SNX29: variants seen among roughly 807,000 people sequenced by gnomAD.
The protein encoded by SNX29 is sorting nexin 29.
Under a neutral mutation model 102.1 loss-of-function variants are expected in SNX29, and 78 were observed. The observed-to-expected ratio is 0.76, with a 90% confidence interval of 0.64 to 0.92. The LOEUF (loss-of-function observed/expected upper bound fraction) is 0.92, where lower values mean the gene tolerates loss of function less well. Ranked by LOEUF, SNX29 falls within the 40% of genes least tolerant of loss-of-function variation. SNX29 has a pLI of 0.00. For synonymous variants in SNX29, 580 were observed against 414.5 expected (o/e 1.40, Z -4.85); for missense variants, 1,280 against 1,061.7 (o/e 1.21, Z -2.86).
chr16:12,230,284 C>T (rs540823160), intron 14 of SNX29, among the ~76,000 whole-genome samples: 5 of 152,324 alleles, frequency 3.3e-5, no homozygotes, highest in Non-Finnish European at 7.4e-5. Context: ...TGTCTGACTT[C>T]CCGTTTGGGC....
intron 11 of SNX29, chr16:12,081,665 T>A (rs1338383520): frequency 9.2e-6 from 1 of 108,444 alleles, no homozygotes; most frequent in Non-Finnish European, 1.7e-5. Context: ...AGAGCGAGAC[T>A]CTTTGTCTCA....
At chr16:12,274,004 T>C (rs1174961431) in intron 14 of SNX29, among the ~76,000 whole-genome samples, 3 of 152,198 alleles carry the variant, frequency 2.0e-5, no homozygotes, top group Non-Finnish European at 4.4e-5. Flanking sequence ...TTGGGTTGTT[T>C]ATGCTTTTTT....
chr16:12,559,098 G>C lies in SNX29; in HGVS notation c.2319-9408G>C, dbSNP rs547260778. 1.7e-4 allele frequency among the ~76,000 whole-genome samples: 26 copies of C among 152,206 alleles called. 1 individual carries two copies. Among genetic ancestry groups the C allele is most frequent in the Middle Eastern group, 3.4e-3 (1 of 294 alleles). On this transcript the variant is annotated intron_variant, in intron 20 of 20. Transcript: ENST00000566228. ...TGTGTCCCCGTGCTCCTTAGTCTAGGATGAGTAGTAGTCAAATCAGGCTTG... is the reference window on the plus strand; with the variant it reads ...TGTGTCCCCGTGCTCCTTAGTCTAGCATGAGTAGTAGTCAAATCAGGCTTG...
chr16:12,368,070 G>T (rs924429429), intron 16 of SNX29, among the ~76,000 whole-genome samples: 2 of 152,190 alleles, frequency 1.3e-5, no homozygotes, highest in Non-Finnish European at 2.9e-5. Flanking sequence ...TTGCACCTGG[G>T]GGGAGTTGGA....
At chr16:12,210,131 C>T (rs1344438253) in intron 14 of SNX29, among the ~76,000 whole-genome samples, 3 of 152,278 alleles carry the variant, frequency 2.0e-5, no homozygotes, top group South Asian at 4.1e-4. Context: ...GCCTGTCATC[C>T]CACTACGTCG....
chr16:12,113,405 A>T (rs939675636), intron 11 of SNX29, among the ~76,000 whole-genome samples: 1 of 151,942 alleles, frequency 6.6e-6, no homozygotes, highest in Non-Finnish European at 1.5e-5. Context: ...CTGTCTAAGG[A>T]TGTTCTGGTT....
intron 4 of SNX29, among the ~76,000 whole-genome samples, chr16:12,041,359 G>T (rs534044780): frequency 1.3e-5 from 2 of 152,170 alleles, no homozygotes; most frequent in Non-Finnish European, 1.5e-5. Flanking sequence ...TGATCCGCTC[G>T]CATCGGCCTC....
At chr16:12,564,131 A>G (rs763649342) in intron 20 of SNX29, among the ~76,000 whole-genome samples, 6 of 152,162 alleles carry the variant, frequency 3.9e-5, no homozygotes, top group African/African-American at 7.2e-5. Flanking sequence ...GATCGTGCCT[A>G]TAATCCCAGC....
chr16:12,357,730 T>C (rs2082179982), intron 16 of SNX29, among the ~76,000 whole-genome samples: 1 of 152,200 alleles, frequency 6.6e-6, no homozygotes, highest in African/African-American at 2.4e-5. Flanking sequence ...GCGACCATTC[T>C]ACTTTGTTCC....
intron 15 of SNX29, among the ~76,000 whole-genome samples, chr16:12,308,701 A>G (rs1426681381): frequency 6.6e-6 from 1 of 152,316 alleles, no homozygotes; most frequent in Non-Finnish European, 1.5e-5. Flanking sequence ...ACTGCTATTT[A>G]CACATAAATG....
chr16:12,557,742 C>T (rs1373809030), intron 20 of SNX29: 2 of 152,208 alleles, frequency 1.3e-5, no homozygotes, highest in African/African-American at 2.4e-5. Flanking sequence ...TAGTGCACTG[C>T]ATTGTGATGT....
chr16:12,054,116 C>T (rs1211034887), intron 8 of SNX29, among the ~76,000 whole-genome samples: 8 of 152,082 alleles, frequency 5.3e-5, no homozygotes, highest in African/African-American at 1.7e-4. Flanking sequence ...TGCAAGCGTC[C>T]GCCACCACGC....
intron 13 of SNX29, among the ~76,000 whole-genome samples, chr16:12,196,632 T>TG (rs1029824896): frequency 3.3e-5 from 5 of 149,610 alleles, no homozygotes; most frequent in Admixed American, 6.6e-5. Flanking sequence ...CTTTTTTTTT[T>TG]TTTTTTGGAG....
chr16:12,261,838 G>C (rs1200058275), intron 14 of SNX29, among the ~76,000 whole-genome samples: 3 of 137,816 alleles, frequency 2.2e-5, no homozygotes, highest in Non-Finnish European at 4.6e-5. Context: ...TTTGCTCTGA[G>C]CTCCGGTCTG....
intron 3 of SNX29, among the ~76,000 whole-genome samples, chr16:12,010,890 G>A (rs1366553613): frequency 6.6e-6 from 1 of 152,004 alleles, no homozygotes; most frequent in Non-Finnish European, 1.5e-5. Flanking sequence ...ATCCCCCAGA[G>A]GACTTACGAA....
intron 11 of SNX29, among the ~76,000 whole-genome samples, chr16:12,115,401 T>C (rs1005850754): frequency 6.6e-6 from 1 of 151,802 alleles, no homozygotes. Context: ...GGGTCAGACA[T>C]GCTCTGACCA....
chr16:12,541,689 C>T (rs1365492875), intron 20 of SNX29, among the ~76,000 whole-genome samples: 2 of 152,124 alleles, frequency 1.3e-5, no homozygotes, highest in South Asian at 2.1e-4. Context: ...TTACCACTAC[C>T]CTGGGGCGGG....
At chr16:12,381,817 C>T (rs535345587) in intron 16 of SNX29, among the ~76,000 whole-genome samples, 1 of 142,604 alleles carries the variant, frequency 7.0e-6, no homozygotes, top group East Asian at 2.1e-4. Context: ...CATCCATCCA[C>T]CCACCCATCA....
chr16:12,360,529 G>A (rs2082271822), intron 16 of SNX29, among the ~76,000 whole-genome samples: 1 of 152,164 alleles, frequency 6.6e-6, no homozygotes, highest in African/African-American at 2.4e-5. Flanking sequence ...AGGTGGTGGT[G>A]TGTGTTTCCA....
Sources: allele counts gnomAD v4.1 joint callset (sites outside exome capture counted in the v4.1 genomes callset), GRCh38; gene constraint gnomAD v4.1.1; transcripts MANE v1.5; gene names NCBI Gene and HGNC (gene_info 2026-07-23, HGNC 2026-07-21).